The following NAV3 variants were observed in gnomAD, a reference collection of about 807,000 sequenced individuals.
NAV3 encodes the protein neuron navigator 3, also known as pore membrane and/or filament interacting like protein 1.
Under a neutral mutation model 244.7 loss-of-function variants are expected in NAV3, and 87 were observed. That is an observed-to-expected ratio of 0.36 (90% CI 0.30 to 0.42). The LOEUF is 0.42. NAV3 is among the 20% of genes least tolerant of loss of function. NAV3 has a pLI of 1.00. For synonymous variants in NAV3, 1,126 were observed against 1,042.2 expected, an observed-to-expected ratio of 1.08 and a Z score of -1.55; for missense variants, 2,663 against 2,893.3, an observed-to-expected ratio of 0.92 and a Z score of 1.83.
At chr12:77,964,357 A>G (rs1185333596) in intron 3 of NAV3, among the ~76,000 whole-genome samples, 1 of 152,176 alleles carries the variant, frequency 6.6e-6, no homozygotes, top group Non-Finnish European at 1.5e-5. Context: ...CCTTCTTTCT[A>G]TAAAAGGCAT....
chr12:77,675,613 T>G (rs1453779029), intron 2 of NAV3, among the ~76,000 whole-genome samples: 1 of 152,222 alleles, frequency 6.6e-6, no homozygotes, highest in Non-Finnish European at 1.5e-5. Context: ...CCAATGCAAT[T>G]TAAATTTTTC....
At chr12:77,947,353 G>C (rs1890450894) in intron 3 of NAV3, 1 of 149,798 alleles carries the variant, frequency 6.7e-6, no homozygotes. Context: ...TCAGTAGCCT[G>C]TCCTTTAAAG....
chr12:77,737,620 C>A (rs2137374231), intron 2 of NAV3, among the ~76,000 whole-genome samples: 1 of 152,150 alleles, frequency 6.6e-6, no homozygotes, highest in East Asian at 1.9e-4. Context: ...AAGACCAAAC[C>A]TGATAATGTA....
At chr12:77,599,231 A>G (rs1251819174) in intron 2 of NAV3, among the ~76,000 whole-genome samples, 1 of 152,000 alleles carries the variant, frequency 6.6e-6, no homozygotes, top group African/African-American at 2.4e-5. Context: ...AATATTCAAT[A>G]TTCCATTGAT....
At chr12:77,741,146 G>GAGAAAAAAAAAAAAAAA (rs1393220189) in intron 2 of NAV3, among the ~76,000 whole-genome samples, 1 of 7,370 alleles carries the variant, frequency 1.4e-4, no homozygotes, top group Non-Finnish European at 3.0e-4. Flanking sequence ...AAAAAAAAAA[G>GAGAAAAAAAAAAAAAAA]ACAAAAAAAA....
At chr12:77,579,887 A>G in intron 2 of NAV3, among the ~76,000 whole-genome samples, 1 of 152,170 alleles carries the variant, frequency 6.6e-6, no homozygotes. Context: ...GTCTTCCTCC[A>G]GTTTTCTCAT....
rs571499627 is a variant in NAV3, at chr12:77,854,170, T to C, written c.243+22466T>C. On this transcript the variant is annotated intron_variant, in intron 1 of 39. Coordinates refer to ENST00000397909, the MANE Select transcript of NAV3 (RefSeq NM_001024383.2). Reference sequence around the variant, plus strand: ...CAGACATAGCCTAATTAGTTACTGATATATTTAACATTAAGATTAAAAATT... The same window carrying C: ...CAGACATAGCCTAATTAGTTACTGACATATTTAACATTAAGATTAAAAATT... Among the ~76,000 whole-genome samples, 11 of 152,336 alleles carry C rather than the reference T, an allele frequency of 7.2e-5. 1 individual carries two copies. In the South Asian group the frequency reaches 2.3e-3, roughly 32 times the overall value.
At chr12:77,603,131 T>A (rs1165378811) in intron 2 of NAV3, among the ~76,000 whole-genome samples, 1 of 152,054 alleles carries the variant, frequency 6.6e-6, no homozygotes, top group African/African-American at 2.4e-5. Context: ...GATGTCCATG[T>A]TGACTTTCAA....
At chr12:78,014,275 A>T (rs1389530399) in intron 8 of NAV3, among the ~76,000 whole-genome samples, 1 of 152,096 alleles carries the variant, frequency 6.6e-6, no homozygotes, top group Non-Finnish European at 1.5e-5. Flanking sequence ...TACCAAGGAA[A>T]CAATGCATTG....
At chr12:78,014,725 A>G (rs1006793509) in intron 8 of NAV3, among the ~76,000 whole-genome samples, 1 of 152,152 alleles carries the variant, frequency 6.6e-6, no homozygotes, top group Non-Finnish European at 1.5e-5. Flanking sequence ...TCGAGCTAGT[A>G]TAATGAAGAG....
intron 2 of NAV3, among the ~76,000 whole-genome samples, chr12:77,583,510 A>G (rs1257007341): frequency 2.0e-5 from 3 of 152,298 alleles, no homozygotes; most frequent in Middle Eastern, 3.4e-3. Context: ...TCTGTAAAAT[A>G]TTTTTAGGTA....
At chr12:77,903,736 A>T (rs973970506) in intron 1 of NAV3, among the ~76,000 whole-genome samples, 5 of 152,246 alleles carry the variant, frequency 3.3e-5, no homozygotes, top group Non-Finnish European at 7.3e-5. Context: ...AATTTTTGCA[A>T]CCTACTCATC....
intron 2 of NAV3, among the ~76,000 whole-genome samples, chr12:77,811,798 A>G (rs1381601349): frequency 2.0e-5 from 3 of 152,238 alleles, no homozygotes; most frequent in Non-Finnish European, 4.4e-5. Context: ...GCATTTTCTG[A>G]GAGTAGGGTA....
chr12:78,062,717 G>A (rs1468345179), intron 12 of NAV3, among the ~76,000 whole-genome samples: 2 of 152,048 alleles, frequency 1.3e-5, no homozygotes, highest in Non-Finnish European at 2.9e-5. Context: ...CCAGAATCAT[G>A]CAGCTAATAG....
At chr12:77,747,071 C>G (rs1366469462) in intron 2 of NAV3, among the ~76,000 whole-genome samples, 1 of 152,078 alleles carries the variant, frequency 6.6e-6, no homozygotes, top group Non-Finnish European at 1.5e-5. Context: ...TTTAAGTAAA[C>G]ATTTTATTGA....
intron 16 of NAV3, among the ~76,000 whole-genome samples, chr12:78,123,991 A>G (rs140722821): frequency 6.6e-6 from 1 of 152,370 alleles, no homozygotes; most frequent in African/African-American, 2.4e-5. Flanking sequence ...TAATGAATGT[A>G]TCCTAGATTG....
chr12:77,800,258 G>A (rs1033351022), intron 2 of NAV3, among the ~76,000 whole-genome samples: 4 of 152,062 alleles, frequency 2.6e-5, no homozygotes, highest in Admixed American at 6.6e-5. Context: ...ATTTATGGGT[G>A]GGCTTTAGAA....
rs371371984 is a variant in NAV3, at chr12:78,118,201, T to G, written c.2944T>G (p.Ser982Ala). 1 of 1,612,624 alleles carries G rather than the reference T, an allele frequency of 6.2e-7. No individual in the cohort carries two copies. The highest frequency in any genetic ancestry group is 8.5e-7 in the Non-Finnish European group (1 of 1,179,766). The change falls in exon 14 of 40, where the codon TCT (serine) becomes GCT (alanine). Residue 982 changes from serine to alanine, a missense_variant. Transcript: ENST00000397909. ...GAAGGCAGGGCAGAAAGCTTCCCTGTCTGTTTCACAGACAGGTTCCTGGAG... is the reference window on the plus strand; with the variant it reads ...GAAGGCAGGGCAGAAAGCTTCCCTGGCTGTTTCACAGACAGGTTCCTGGAG... ...PEKAGQKASL[S>A]VSQTGSWRRG... is the part of the protein sequence containing the mutation.
At chr12:77,925,538 G>A (rs200606722) in intron 1 of NAV3, among the ~76,000 whole-genome samples, 1 of 121,596 alleles carries the variant, frequency 8.2e-6, no homozygotes, top group South Asian at 2.3e-4. Flanking sequence ...GGATGAAAAG[G>A]CGGGGGGAGG....
Sources: allele counts gnomAD v4.1 joint callset (sites outside exome capture counted in the v4.1 genomes callset), GRCh38; gene constraint gnomAD v4.1.1; transcripts MANE v1.5; gene names NCBI Gene and HGNC (gene_info 2026-07-23, HGNC 2026-07-21).